Variants in CNIH3 observed in about 807,000 individuals in gnomAD.
CNIH3 encodes cornichon family AMPA receptor auxiliary protein 3, also known as protein cornichon homolog 3.
A neutral mutation model predicts 24.1 loss-of-function variants in CNIH3; 14 were observed. That is an observed-to-expected ratio of 0.58 (90% CI 0.38 to 0.91). The LOEUF (loss-of-function observed/expected upper bound fraction) is 0.91, where lower values mean the gene tolerates loss of function less well. Ranked by LOEUF, CNIH3 falls within the 40% of genes least tolerant of loss-of-function variation. CNIH3 has a pLI of 0.00. For missense variants in CNIH3, 178 were observed against 196.8 expected, an observed-to-expected ratio of 0.90 and a Z score of 0.57; for synonymous variants, 68 against 73.8, an observed-to-expected ratio of 0.92 and a Z score of 0.40.
intron 2 of CNIH3, among the ~76,000 whole-genome samples, chr1:224,542,718 G>A (rs1341086401): frequency 6.6e-6 from 1 of 152,176 alleles, no homozygotes; most frequent in Non-Finnish European, 1.5e-5. Flanking sequence ...CAGCCAAGGT[G>A]TCTTCCTAGG....
intron 3 of CNIH3, among the ~76,000 whole-genome samples, chr1:224,698,526 A>G (rs1687299891): frequency 1.3e-5 from 2 of 152,204 alleles, no homozygotes; most frequent in Non-Finnish European, 2.9e-5. Flanking sequence ...GACAAACTAT[A>G]TGTCTTCTGA....
At chr1:224,675,983 C>A (rs1053802120) in intron 1 of CNIH3, among the ~76,000 whole-genome samples, 1 of 152,170 alleles carries the variant, frequency 6.6e-6, no homozygotes, top group Non-Finnish European at 1.5e-5. Context: ...GACCAGCAAT[C>A]CCCCTCCTAT....
At chr1:224,617,777 G>A (rs1683089055) in intron 1 of CNIH3, among the ~76,000 whole-genome samples, 1 of 152,178 alleles carries the variant, frequency 6.6e-6, no homozygotes. Context: ...GGCGATGGGG[G>A]TCGAAGTGGA....
chr1:224,449,489 C>T (rs1675302376), intron 1 of CNIH3, among the ~76,000 whole-genome samples: 1 of 151,912 alleles, frequency 6.6e-6, no homozygotes, highest in African/African-American at 2.4e-5. Flanking sequence ...TCACTGCTAC[C>T]AAAATTACTA....
chr1:224,673,386 C>A (rs143672882), intron 1 of CNIH3, among the ~76,000 whole-genome samples: 37 of 152,300 alleles, frequency 2.4e-4, no homozygotes, highest in Non-Finnish European at 4.6e-4. Context: ...CTCCCCTCCC[C>A]CTGCTGTCTG....
At chr1:224,561,497 C>A (rs750931232) in intron 3 of CNIH3, among the ~76,000 whole-genome samples, 6 of 152,192 alleles carry the variant, frequency 3.9e-5, no homozygotes, top group Non-Finnish European at 7.3e-5. Context: ...TGGGGCCACA[C>A]TTTCCCTGAG....
At chr1:224,513,371 G>GT (rs1168233812), upstream of CNIH3, among the ~76,000 whole-genome samples, 2 of 139,000 alleles carry the variant, frequency 1.4e-5, no homozygotes, top group Admixed American at 7.1e-5. Flanking sequence ...GGAGGGGGGG[G>GT]GTCTCTCTAT....
intron 1 of CNIH3, among the ~76,000 whole-genome samples, chr1:224,498,271 G>C (rs1677514422): frequency 6.6e-6 from 1 of 152,190 alleles, no homozygotes; most frequent in Non-Finnish European, 1.5e-5. Flanking sequence ...GGAGGCCCCA[G>C]CAGCCCCAGC....
At chr1:224,699,558 C>T (rs1572749219) in intron 3 of CNIH3, among the ~76,000 whole-genome samples, 2 of 152,190 alleles carry the variant, frequency 1.3e-5, no homozygotes, top group East Asian at 3.8e-4. Context: ...ACTGTCTCCA[C>T]GTGATCATTC....
At chr1:224,586,863 C>T (rs1681531775) in intron 5 of CNIH3, among the ~76,000 whole-genome samples, 1 of 152,108 alleles carries the variant, frequency 6.6e-6, no homozygotes, top group Non-Finnish European at 1.5e-5. Flanking sequence ...AGTGATGCTG[C>T]CACAGGCCGA....
At chr1:224,739,244 T>A in intron 5 of CNIH3, 85 bp from the exon 6 acceptor site, 2 of 1,528,412 alleles carry the variant, frequency 1.3e-6, no homozygotes, top group Non-Finnish European at 1.8e-6. Context: ...AAGGTCCCTC[T>A]CCTGAGGGGC....
At position 224,449,984 on chromosome 1, in the gene CNIH3, C is replaced by T. The variant is rs114842484; in HGVS notation, n.203+15122C>T. On this transcript the variant is annotated intron_variant and non_coding_transcript_variant, in intron 1 of 5. Coordinates refer to the CNIH3 transcript ENST00000471578. The stretch of plus-strand genomic sequence containing the variant: ...CAACACACACACACACGTATATATA[C>T]ACATACACACATTATACACGCACAC... 7.2e-3 allele frequency among the ~76,000 whole-genome samples: 1,093 copies of T among 151,930 alleles called. 10 individuals carry two copies. The highest frequency in any genetic ancestry group is 0.025 in the African/African-American group (1,027 of 41,400).
intron 4 of CNIH3, among the ~76,000 whole-genome samples, chr1:224,566,563 C>T (rs1006573244): frequency 6.6e-5 from 10 of 152,100 alleles, no homozygotes; most frequent in Admixed American, 5.9e-4. Context: ...ATATTCCCTT[C>T]CCTGTGTCTA....
intron 4 of CNIH3, among the ~76,000 whole-genome samples, chr1:224,572,833 C>T (rs1273567393): frequency 6.6e-6 from 1 of 152,004 alleles, no homozygotes; most frequent in Non-Finnish European, 1.5e-5. Context: ...CTTTTGCTTC[C>T]TTGGTTAAAT....
At chr1:224,695,399 T>C (rs371587656) in intron 3 of CNIH3, among the ~76,000 whole-genome samples, 4 of 143,868 alleles carry the variant, frequency 2.8e-5, no homozygotes, top group African/African-American at 1.1e-4. Context: ...CACACACCCC[T>C]GTTGGTTCTG....
At chr1:224,652,245 C>A (rs1684892443) in intron 1 of CNIH3, among the ~76,000 whole-genome samples, 1 of 151,974 alleles carries the variant, frequency 6.6e-6, no homozygotes, top group Non-Finnish European at 1.5e-5. Context: ...CAGATGGGAG[C>A]AAGCAGATCT....
At chr1:224,718,296 G>A (rs1227800197) in intron 3 of CNIH3, among the ~76,000 whole-genome samples, 1 of 152,158 alleles carries the variant, frequency 6.6e-6, no homozygotes, top group Admixed American at 6.5e-5. Context: ...TATCTGAGGA[G>A]GAGCTCCCCA....
chr1:224,487,342 G>A (rs569747998), intron 1 of CNIH3, among the ~76,000 whole-genome samples: 3 of 152,198 alleles, frequency 2.0e-5, no homozygotes, highest in Non-Finnish European at 4.4e-5. Context: ...CAGATGGAGA[G>A]AAGTGCTTCA....
chr1:224,529,194 C>G (rs1208866497), intron 2 of CNIH3: 1 of 152,228 alleles, frequency 6.6e-6, no homozygotes, highest in Non-Finnish European at 1.5e-5. Flanking sequence ...AGCAGCTGTT[C>G]AGCTTTGTTC....
Sources: gnomAD v4.1 joint callset for allele counts (sites outside exome capture counted in the v4.1 genomes callset) on GRCh38, gnomAD v4.1.1 for gene constraint, MANE v1.5 for transcripts, NCBI Gene and HGNC (gene_info 2026-07-23, HGNC 2026-07-21) for gene names.